Variants in ATP7B observed in about 807,000 individuals in gnomAD.
The protein encoded by ATP7B is ATPase copper transporting beta, also known as copper-transporting ATPase 2.
ATP7B carries 113 observed loss-of-function variants against 118.9 expected under a neutral mutation model. The observed-to-expected ratio is 0.95, with a 90% CI of 0.82 to 1.11. The LOEUF (loss-of-function observed/expected upper bound fraction) is 1.11, where lower values mean the gene tolerates loss of function less well. Among genes scored for constraint, ATP7B ranks in the 50% most tolerant of loss-of-function variants. The pLI is 0.00. For synonymous variants in ATP7B, 777 were observed against 727.4 expected (o/e 1.07, Z -1.10); for missense variants, 1,867 against 1,871.4 (o/e 1.00, Z 0.04).
chr13:51,969,136 T>TA (rs1244258294), intron 3 of ATP7B, among the ~76,000 whole-genome samples: 131 of 144,588 alleles, frequency 9.1e-4, no homozygotes, highest in South Asian at 1.8e-3. Context: ...CATTTTTTTT[T>TA]AAAAAAAAAA....
chr13:51,933,586 G>C lies in ATP7B; in HGVS notation c.*1170C>G, dbSNP rs555405546. ...TCTGAGAGCCACTGCCAGGTAAACAGATGCTCCCTTCGGGGTGCTGTGGCC... is the reference window on the plus strand; with the variant it reads ...TCTGAGAGCCACTGCCAGGTAAACACATGCTCCCTTCGGGGTGCTGTGGCC... On this transcript the variant is annotated 3_prime_UTR_variant, in exon 21 of 21. Transcript: ENST00000242839. 6 of 152,230 alleles carry C rather than the reference G, an allele frequency of 3.9e-5. No homozygotes were observed. Among genetic ancestry groups the C allele is most frequent in the Non-Finnish European group, 8.8e-5 (6 of 68,046 alleles). 9.4% of individuals were successfully genotyped at this position (152,230 alleles called of 1,614,324 possible).
At chr13:51,935,556 G>A (rs1417151479) in intron 20 of ATP7B, 37 bp downstream of exon 20, 2 of 1,589,188 alleles carry the variant, frequency 1.3e-6, no homozygotes, top group East Asian at 4.5e-5. Flanking sequence ...AGGCCTCCTG[G>A]GAGCCTCCCA....
At chr13:51,938,530 G>T (rs1957113694) in intron 17 of ATP7B, among the ~76,000 whole-genome samples, 2 of 152,222 alleles carry the variant, frequency 1.3e-5, no homozygotes, top group Non-Finnish European at 2.9e-5. Flanking sequence ...GAAGCCTAGA[G>T]CTCTGCACAC....
chr13:51,952,538 A>T (rs974086671), intron 9 of ATP7B, among the ~76,000 whole-genome samples: 1 of 152,236 alleles, frequency 6.6e-6, no homozygotes, highest in Admixed American at 6.5e-5. Flanking sequence ...GAATCTTCCC[A>T]GACACATACA....
At chr13:51,987,688 C>T (rs1952722977) in intron 1 of ATP7B, among the ~76,000 whole-genome samples, 1 of 152,196 alleles carries the variant, frequency 6.6e-6, no homozygotes, top group African/African-American at 2.4e-5. Flanking sequence ...GTAACCAAAA[C>T]AGCATGGTAC....
intron 9 of ATP7B, 142 bp downstream of exon 9, chr13:51,957,374 C>T (rs924215485): frequency 2.1e-5 from 18 of 876,678 alleles, no homozygotes; most frequent in Non-Finnish European, 3.0e-5. Context: ...GCTTTCGTAG[C>T]TGGATTGAGA....
At chr13:51,954,063 C>T (rs745343507) in intron 9 of ATP7B, among the ~76,000 whole-genome samples, 4 of 152,164 alleles carry the variant, frequency 2.6e-5, no homozygotes, top group Non-Finnish European at 4.4e-5. Flanking sequence ...CACTGAGGAG[C>T]CACAGCTGAG....
intron 1 of ATP7B, among the ~76,000 whole-genome samples, chr13:52,000,324 C>A (rs1356414897): frequency 1.3e-5 from 2 of 152,186 alleles, no homozygotes; most frequent in Admixed American, 1.3e-4. Flanking sequence ...CTGCTGCATC[C>A]TCAAATGGCA....
chr13:51,967,099 T>C (rs1160431936), intron 4 of ATP7B: 2 of 1,596,534 alleles, frequency 1.3e-6, no homozygotes, highest in African/African-American at 2.7e-5. Flanking sequence ...AGTGGTGGAG[T>C]GTGTCATGAA....
intron 1 of ATP7B, among the ~76,000 whole-genome samples, chr13:52,010,550 A>C (rs957870673): frequency 6.6e-6 from 1 of 152,264 alleles, no homozygotes; most frequent in African/African-American, 2.4e-5. Flanking sequence ...TTAGTGAAAC[A>C]ATCTCTAAGA....
intron 5 of ATP7B, among the ~76,000 whole-genome samples, chr13:51,964,398 C>T (rs984444093): frequency 9.2e-5 from 14 of 152,178 alleles, no homozygotes; most frequent in African/African-American, 1.7e-4. Context: ...AGGCAGGGCA[C>T]GCATGAAAAT....
upstream of ATP7B, chr13:52,011,515 G>A (rs1954037437): frequency 1.3e-6 from 1 of 744,632 alleles, no homozygotes; most frequent in South Asian, 1.5e-5. Context: ...ATTTGGGACC[G>A]GGGAAGCCGC....
In ATP7B at chr13:51,993,285, C is replaced by G. The variant is rs561314456; in HGVS notation, c.51+18002G>C. ...AATCAGAGCTTTAGAAAAAATAGAG[C>G]TGCCAGGCACGGTGGCTCACATCTA... On this transcript the variant is annotated intron_variant, in intron 1 of 20. Coordinates refer to ENST00000242839, the MANE Select transcript of ATP7B (RefSeq NM_000053.4). 6.6e-5 allele frequency among the ~76,000 whole-genome samples: 10 copies of G among 150,990 alleles called. No homozygotes were observed. In the South Asian group the frequency reaches 2.1e-3, roughly 32 times the overall value.
rs752815053 is a variant in ATP7B, at chr13:51,937,560, C to G, written c.3819G>C (p.Pro1273=). The G allele has an allele frequency of 6.2e-7, 1 of 1,614,120 alleles. No homozygotes were observed. The highest frequency in any genetic ancestry group is 8.5e-7 in the Non-Finnish European group (1 of 1,180,040). The stretch of plus-strand genomic sequence containing the variant: ...CACCCATGTCTGCCTGGGCCAAGGC[C>G]GGGGAGTCATTGACCCCATCCCCCA... ...AMVGDGVNDS[P]ALAQADMGVA... The change falls in exon 18 of 21, where the codon CCG becomes CCC. Residue 1273 remains proline, a synonymous_variant. Transcript: ENST00000242839.
intron 1 of ATP7B, among the ~76,000 whole-genome samples, chr13:51,995,785 A>G (rs1953176366): frequency 6.6e-6 from 1 of 152,138 alleles, no homozygotes; most frequent in Non-Finnish European, 1.5e-5. Flanking sequence ...TTGTTTATCT[A>G]CAACCGTCCC....
intron 19 of ATP7B, 61 bp downstream of exon 19, chr13:51,937,215 A>C (rs1387821778): frequency 2.6e-6 from 4 of 1,525,234 alleles, no homozygotes; most frequent in Non-Finnish European, 3.6e-6. Context: ...CCCCAGCAGG[A>C]ACCTGGGAGA....
In ATP7B at chr13:51,934,948, C is replaced by G. The variant is rs957678118; in HGVS notation, c.4206G>C (p.Val1402=). 4 of 1,613,990 alleles carry G rather than the reference C, an allele frequency of 2.5e-6. No individual in the cohort carries two copies. The African/African-American group carries it at 5.3e-5, about 22-fold the overall frequency. The change falls in exon 21 of 21, where the codon GTG becomes GTC. Residue 1402 remains valine (V), a synonymous_variant. Transcript: ENST00000242839. ...GCCACCTGTCATCCATGCCTATGTG[C>G]ACACTGACCTGGGATGCCGTCAGGG... The part of the protein sequence containing the change: ...MKPLTASQVS[V]HIGMDDRWRD...
At chr13:51,978,526 A>G (rs1221507130) in intron 1 of ATP7B, among the ~76,000 whole-genome samples, 2 of 152,244 alleles carry the variant, frequency 1.3e-5, no homozygotes, top group Admixed American at 6.5e-5. Flanking sequence ...CCCAATAAAT[A>G]TATTTGTTCA....
intron 1 of ATP7B, among the ~76,000 whole-genome samples, chr13:52,004,247 G>T (rs958736773): frequency 2.6e-5 from 4 of 152,154 alleles, no homozygotes; most frequent in Non-Finnish European, 5.9e-5. Context: ...GGCTGACAGA[G>T]CAAGACTCTG....
Sources: allele counts gnomAD v4.1 joint callset (sites outside exome capture counted in the v4.1 genomes callset), GRCh38; gene constraint gnomAD v4.1.1; transcripts MANE v1.5; gene names NCBI Gene and HGNC (gene_info 2026-07-23, HGNC 2026-07-21).